SLC25A48: variants seen among roughly 807,000 people sequenced by gnomAD.
SLC25A48 encodes solute carrier family 25 member 48.
Under a neutral mutation model 32.2 loss-of-function variants are expected in SLC25A48, and 29 were observed. The observed-to-expected ratio is 0.90, with a 90% CI of 0.67 to 1.23. SLC25A48 has a LOEUF of 1.23. Ranked by LOEUF, SLC25A48 falls within the 50% of genes most tolerant of loss-of-function variation. The probability of loss-of-function intolerance (pLI) is 0.00; values close to 1 mark genes in which losing one functional copy is unlikely to be tolerated. For synonymous variants in SLC25A48, 164 were observed against 172.3 expected (o/e 0.95, Z 0.38); for missense variants, 399 against 422.7 (o/e 0.94, Z 0.49).
intron 3 of SLC25A48, among the ~76,000 whole-genome samples, chr5:135,697,939 C>G (rs1390392161): frequency 1.3e-5 from 2 of 152,238 alleles, no homozygotes; most frequent in Non-Finnish European, 2.9e-5. Flanking sequence ...TCACGGCTTC[C>G]CATTGCCTCT....
intron 4 of SLC25A48, chr5:135,827,475 A>G (rs1246355577): frequency 1.3e-5 from 2 of 152,154 alleles, no homozygotes; most frequent in African/African-American, 4.8e-5. Flanking sequence ...ATGACTTCCC[A>G]TTGGGTTTGG....
intron 3 of SLC25A48, among the ~76,000 whole-genome samples, chr5:135,709,701 C>A (rs1754608770): frequency 6.6e-6 from 1 of 152,210 alleles, no homozygotes; most frequent in African/African-American, 2.4e-5. Context: ...CTTAACCTTT[C>A]TGAACTCTAG....
rs571354990 is a variant in SLC25A48 at position 135,713,868 on chromosome 5, A to T, written c.-521+78912A>T. On this transcript the variant is annotated intron_variant, in intron 3 of 10. Coordinates refer to the SLC25A48 transcript ENST00000646290. The stretch of plus-strand genomic sequence containing the variant: ...GCTGCAGGCCCTCTGTCCACAGGAC[A>T]TCTTCCCCTCGAGGAGCCTCCGTTG... Among the ~76,000 whole-genome samples the T allele has an allele frequency of 2.2e-4, 33 of 152,326 alleles. 1 individual carries two copies. In the South Asian group the frequency reaches 6.6e-3, roughly 31 times the overall value.
At chr5:135,707,453 A>T (rs1335619498) in intron 3 of SLC25A48, among the ~76,000 whole-genome samples, 1 of 150,312 alleles carries the variant, frequency 6.7e-6, no homozygotes, top group African/African-American at 2.5e-5. Context: ...GTTAGTTCCT[A>T]CTCCCTCCTG....
At chr5:135,696,866 T>G (rs917831864) in intron 3 of SLC25A48, among the ~76,000 whole-genome samples, 1 of 152,142 alleles carries the variant, frequency 6.6e-6, no homozygotes, top group Non-Finnish European at 1.5e-5. Context: ...GGGTATGAAC[T>G]GAAGGAGCAG....
At position 135,816,473 on chromosome 5, in the gene SLC25A48, T is replaced by G. The variant is rs1224602150; in HGVS notation, c.-117+3547T>G. The stretch of plus-strand genomic sequence containing the variant: ...TTTGAATTCCAGCCCTGCCATTTGC[T>G]ACTGTCTATTACTCAATAAATTCTT... On this transcript the variant is annotated intron_variant, in intron 4 of 10. Coordinates refer to the SLC25A48 transcript ENST00000646290. Among the ~76,000 whole-genome samples, 52 of 152,246 alleles carry G rather than the reference T, an allele frequency of 3.4e-4. 1 individual carries two copies. The highest frequency in any genetic ancestry group is 3.4e-3 in the Admixed American group (52 of 15,286).
At chr5:135,735,113 A>G (rs1755330269) in intron 3 of SLC25A48, among the ~76,000 whole-genome samples, 1 of 152,216 alleles carries the variant, frequency 6.6e-6, no homozygotes, top group Admixed American at 6.5e-5. Context: ...TCCTTGGCCC[A>G]GTGGCCAGAT....
intron 1 of SLC25A48, among the ~76,000 whole-genome samples, chr5:135,624,029 G>A (rs1296560198): frequency 1.3e-5 from 2 of 152,162 alleles, no homozygotes; most frequent in East Asian, 3.9e-4. Flanking sequence ...AGAGGCTCTG[G>A]GGATGGAAAT....
chr5:135,876,580 T>C (rs1350156374), intron 6 of SLC25A48, among the ~76,000 whole-genome samples: 1 of 152,166 alleles, frequency 6.6e-6, no homozygotes. Flanking sequence ...CAAAACTACA[T>C]GAGGATATAC....
chr5:135,762,182 C>T (rs1290141356), intron 3 of SLC25A48, among the ~76,000 whole-genome samples: 1 of 152,098 alleles, frequency 6.6e-6, no homozygotes. Context: ...TTTAAATGGC[C>T]GCACGTGGCC....
At chr5:135,879,494 T>C (rs13354768) in intron 6 of SLC25A48, among the ~76,000 whole-genome samples, 14,706 of 152,034 alleles carry the variant, frequency 0.097, 1,923 homozygotes, top group African/African-American at 0.29. Flanking sequence ...TTCTGTTCTC[T>C]GCCACTTTTG....
chr5:135,764,172 G>A (rs1488660771), intron 3 of SLC25A48, among the ~76,000 whole-genome samples: 1 of 151,958 alleles, frequency 6.6e-6, no homozygotes, highest in Non-Finnish European at 1.5e-5. Flanking sequence ...TTTCCATATG[G>A]CAGGGGGTGT....
intron 3 of SLC25A48, among the ~76,000 whole-genome samples, chr5:135,676,021 A>G (rs1753760867): frequency 6.6e-6 from 1 of 151,896 alleles, no homozygotes; most frequent in African/African-American, 2.4e-5. Context: ...TTTTTGGTGA[A>G]CACGAATGCT....
chr5:135,749,840 C>T (rs562210784), intron 3 of SLC25A48, among the ~76,000 whole-genome samples: 1 of 152,104 alleles, frequency 6.6e-6, no homozygotes, highest in Non-Finnish European at 1.5e-5. Flanking sequence ...GATCCGCCTG[C>T]CTCGGAATCC....
chr5:135,637,367 C>G (rs1752729261), intron 3 of SLC25A48, among the ~76,000 whole-genome samples: 2 of 152,118 alleles, frequency 1.3e-5, no homozygotes, highest in Admixed American at 6.5e-5. Context: ...TTCCCCCCGA[C>G]CCCCATGCCT....
rs1402967797 is a variant in SLC25A48 at position 135,780,952 on chromosome 5, C to T, written c.-520-31571C>T. Among the ~76,000 whole-genome samples the T allele has an allele frequency of 1.7e-5, 2 of 115,772 alleles. 1 individual carries two copies. The highest frequency in any genetic ancestry group is 4.2e-5 in the Non-Finnish European group (2 of 47,116). The allele number at this position is 115,772 out of a possible 152,430, so 76.0% of individuals were successfully genotyped here. Reference sequence around the variant, plus strand: ...TTGTTTTTAATATTCAGGGTAAGAGCGGATATTACTCCAAATATCTCAGGG... The same window carrying T: ...TTGTTTTTAATATTCAGGGTAAGAGTGGATATTACTCCAAATATCTCAGGG... On this transcript the variant is annotated intron_variant, in intron 3 of 10. Coordinates refer to the SLC25A48 transcript ENST00000646290.
At chr5:135,875,912 A>G (rs7717839) in intron 6 of SLC25A48, 39,073 of 152,118 alleles carry the variant, frequency 0.26, 7,791 homozygotes, top group African/African-American at 0.56. Flanking sequence ...ATATCATAGC[A>G]TGTGAGGAGA....
chr5:135,593,741 T>C (rs150902715), intron 1 of SLC25A48, among the ~76,000 whole-genome samples: 5 of 152,324 alleles, frequency 3.3e-5, no homozygotes, highest in Non-Finnish European at 7.3e-5. Context: ...AGATTATGGA[T>C]CTTGGAGATG....
chr5:135,778,568 G>A lies in SLC25A48; in HGVS notation c.-520-33955G>A, dbSNP rs570471895. 3.0e-4 allele frequency among the ~76,000 whole-genome samples: 45 copies of A among 150,748 alleles called. No homozygotes were observed. The Middle Eastern group carries it at 0.011, about 36-fold the overall frequency. The stretch of plus-strand genomic sequence containing the variant: ...GTAATATTGTTTTTAATATTTAGAA[G>A]GAGACAGGATAATATAACTCCCAAT... On this transcript the variant is annotated intron_variant, in intron 3 of 10. Coordinates refer to the SLC25A48 transcript ENST00000646290.
Sources: gnomAD v4.1 joint callset for allele counts (sites outside exome capture counted in the v4.1 genomes callset) on GRCh38, gnomAD v4.1.1 for gene constraint, MANE v1.5 for transcripts, NCBI Gene and HGNC (gene_info 2026-07-23, HGNC 2026-07-21) for gene names.